Variants in GMDS observed in about 807,000 individuals in gnomAD.
GMDS encodes the protein GDP-mannose 4,6 dehydratase.
In GMDS, 20 loss-of-function variants were observed where a neutral mutation model predicts 49.9. That is an observed-to-expected ratio of 0.40 (90% CI 0.28 to 0.58). GMDS has a LOEUF of 0.58. Among genes scored for constraint, GMDS ranks in the 20% least tolerant of loss-of-function variants. The pLI is 0.42. For missense variants in GMDS, 362 were observed against 481.4 expected, an observed-to-expected ratio of 0.75 and a Z score of 2.32; for synonymous variants, 177 against 178.6, an observed-to-expected ratio of 0.99 and a Z score of 0.07.
intron 4 of GMDS, among the ~76,000 whole-genome samples, chr6:2,028,497 T>C (rs12164011): frequency 0.28 from 42,223 of 152,034 alleles, 5,863 homozygotes; most frequent in South Asian, 0.3. Context: ...TAATTCTGAG[T>C]GGACTAAACA....
intron 4 of GMDS, among the ~76,000 whole-genome samples, chr6:2,059,707 CAAAAAAA>C (rs35230658): frequency 2.3e-4 from 4 of 17,776 alleles, no homozygotes; most frequent in East Asian, 3.9e-3. Context: ...GACTCCGTCT[CAAAAAAA>C]AAAAAAAAAA....
In GMDS at chr6:2,234,222, C is replaced by G. The variant is rs570708559; in HGVS notation, c.102+11099G>C. 2.0e-5 allele frequency among the ~76,000 whole-genome samples: 3 copies of G among 152,268 alleles called. No homozygotes were observed. The South Asian group carries it at 6.2e-4, about 32-fold the overall frequency. On this transcript the variant is annotated intron_variant, in intron 1 of 10. Coordinates refer to ENST00000380815, the MANE Select transcript of GMDS (RefSeq NM_001500.4). ...CTCCTCTCAAACAGCTTTCTTATTCCTTCCTATCCATCATACCTGAGGCTT... is the reference window on the plus strand; with the variant it reads ...CTCCTCTCAAACAGCTTTCTTATTCGTTCCTATCCATCATACCTGAGGCTT...
intron 4 of GMDS, among the ~76,000 whole-genome samples, chr6:1,988,928 A>G (rs1016263045): frequency 1.3e-5 from 2 of 152,116 alleles, no homozygotes; most frequent in Non-Finnish European, 2.9e-5. Context: ...GTCAAGAGTT[A>G]TGCCGGGAGC....
chr6:1,695,125 C>T (rs1243016023), intron 9 of GMDS, among the ~76,000 whole-genome samples: 1 of 152,128 alleles, frequency 6.6e-6, no homozygotes, highest in African/African-American at 2.4e-5. Flanking sequence ...CGGTCATTTA[C>T]TTGGATTGAC....
At chr6:2,161,442 G>A (rs994054887) in intron 1 of GMDS, among the ~76,000 whole-genome samples, 3 of 152,174 alleles carry the variant, frequency 2.0e-5, no homozygotes, top group African/African-American at 7.2e-5. Flanking sequence ...TGCACCTACT[G>A]TATCTACCAT....
At chr6:1,971,522 A>G (rs1010505637) in intron 4 of GMDS, among the ~76,000 whole-genome samples, 2 of 152,202 alleles carry the variant, frequency 1.3e-5, no homozygotes, top group African/African-American at 4.8e-5. Flanking sequence ...CTCAAGGCAT[A>G]TTAAGGTATA....
intron 9 of GMDS, among the ~76,000 whole-genome samples, chr6:1,713,528 C>A (rs576064914): frequency 9.2e-5 from 14 of 152,058 alleles, no homozygotes; most frequent in Admixed American, 7.8e-4. Flanking sequence ...CCCCATCCTA[C>A]CTTTAGGAGG....
chr6:2,007,755 G>T (rs1210909453), intron 4 of GMDS, among the ~76,000 whole-genome samples: 1 of 152,036 alleles, frequency 6.6e-6, no homozygotes, highest in Non-Finnish European at 1.5e-5. Flanking sequence ...GGCTTCCAAA[G>T]CTTAAGGGCT....
At chr6:1,944,874 GT>G (rs1763001302) in intron 6 of GMDS, among the ~76,000 whole-genome samples, 1 of 152,116 alleles carries the variant, frequency 6.6e-6, no homozygotes, top group Non-Finnish European at 1.5e-5. Context: ...AAGAATCTTA[GT>G]TGGCTCTAAT....
At chr6:2,133,801 A>C (rs1775860385) in intron 1 of GMDS, among the ~76,000 whole-genome samples, 1 of 152,184 alleles carries the variant, frequency 6.6e-6, no homozygotes, top group African/African-American at 2.4e-5. Flanking sequence ...TAAACTAATA[A>C]AGCTAACTCA....
intron 7 of GMDS, among the ~76,000 whole-genome samples, chr6:1,747,462 ACACACACACACGCTCATGCGTGTGCGCG>A (rs143359419): frequency 0.49 from 23,506 of 48,264 alleles, 2,266 homozygotes; most frequent in South Asian, 0.58. Flanking sequence ...TTAAAACTAC[ACACACACACACGCTCATGCGTGTGCGCG>A]CACACACACA....
At chr6:2,001,263 C>T (rs1766802120) in intron 4 of GMDS, among the ~76,000 whole-genome samples, 1 of 152,148 alleles carries the variant, frequency 6.6e-6, no homozygotes, top group Non-Finnish European at 1.5e-5. Context: ...CATCTTTTCA[C>T]ATGCTTATTG....
intron 7 of GMDS, among the ~76,000 whole-genome samples, chr6:1,781,090 A>C (rs1309894515): frequency 6.6e-6 from 1 of 152,034 alleles, no homozygotes; most frequent in Non-Finnish European, 1.5e-5. Context: ...ACACGATTGC[A>C]AGACGAAGGA....
intron 4 of GMDS, among the ~76,000 whole-genome samples, chr6:2,032,249 G>A (rs1325105865): frequency 6.6e-6 from 1 of 152,142 alleles, no homozygotes; most frequent in Admixed American, 6.5e-5. Flanking sequence ...CAGTCTCTCT[G>A]TAATCAATGT....
chr6:2,015,299 TA>T (rs1767820648), intron 4 of GMDS, among the ~76,000 whole-genome samples: 1 of 152,034 alleles, frequency 6.6e-6, no homozygotes, highest in Non-Finnish European at 1.5e-5. Context: ...GATGGGACCA[TA>T]AAACACACAG....
intron 4 of GMDS, among the ~76,000 whole-genome samples, chr6:1,962,604 T>C (rs1764017347): frequency 6.6e-6 from 1 of 152,172 alleles, no homozygotes; most frequent in African/African-American, 2.4e-5. Flanking sequence ...TGAAGTGCTA[T>C]CTTGTTGTGG....
intron 6 of GMDS, among the ~76,000 whole-genome samples, chr6:1,940,436 G>A (rs1043654217): frequency 7.9e-4 from 121 of 152,338 alleles, no homozygotes; most frequent in African/African-American, 2.9e-3. Flanking sequence ...TTTTTCCCCT[G>A]TGGTAATCTC....
At chr6:2,136,906 C>CAAA (rs3049649) in intron 1 of GMDS, among the ~76,000 whole-genome samples, 28 of 127,926 alleles carry the variant, frequency 2.2e-4, no homozygotes, top group East Asian at 1.1e-3. Flanking sequence ...TCATTTCAAA[C>CAAA]AAAAAAAAAA....
At chr6:1,857,484 G>A (rs1013207947) in intron 7 of GMDS, among the ~76,000 whole-genome samples, 1 of 152,128 alleles carries the variant, frequency 6.6e-6, no homozygotes, top group Non-Finnish European at 1.5e-5. Context: ...TTGCTGTTTG[G>A]CTCTGGCTAA....
Sources: allele counts gnomAD v4.1 joint callset (sites outside exome capture counted in the v4.1 genomes callset), GRCh38; gene constraint gnomAD v4.1.1; transcripts MANE v1.5; gene names NCBI Gene and HGNC (gene_info 2026-07-23, HGNC 2026-07-21).